Variants in MYO3B observed in about 807,000 individuals in gnomAD.
MYO3B encodes myosin IIIB, also known as myosin-IIIb.
In MYO3B, 156 loss-of-function variants were observed where a neutral mutation model predicts 174.6. That is an observed-to-expected ratio of 0.89 (90% CI 0.78 to 1.02). The LOEUF is 1.02. Among genes scored for constraint, MYO3B ranks in the 50% least tolerant of loss-of-function variants. The pLI, the probability that MYO3B is intolerant of heterozygous loss-of-function variation, is 0.00. For synonymous variants in MYO3B, 563 were observed against 569.1 expected (o/e 0.99, Z 0.15); for missense variants, 1,632 against 1,639.4 (o/e 1.00, Z 0.08).
At chr2:170,202,911 A>T (rs761427678) in intron 3 of MYO3B, among the ~76,000 whole-genome samples, 6 of 152,220 alleles carry the variant, frequency 3.9e-5, no homozygotes, top group Non-Finnish European at 8.8e-5. Context: ...GCAATTCTAG[A>T]GGATAGAAAA....
chr2:170,440,060 T>C, intron 22 of MYO3B, among the ~76,000 whole-genome samples: 1 of 152,214 alleles, frequency 6.6e-6, no homozygotes, highest in Non-Finnish European at 1.5e-5. Context: ...AGTTAAATTT[T>C]ATTCTTTTGT....
intron 6 of MYO3B, among the ~76,000 whole-genome samples, chr2:170,219,736 G>A (rs1162790994): frequency 3.3e-5 from 5 of 152,074 alleles, no homozygotes; most frequent in Non-Finnish European, 2.9e-5. Context: ...GTTTGAGGAC[G>A]GCTTCACAAC....
intron 1 of MYO3B, 82 bp downstream of exon 1, chr2:170,178,371 C>CT: frequency 1.9e-6 from 3 of 1,584,590 alleles, no homozygotes; most frequent in Non-Finnish European, 2.6e-6. Context: ...TGCAGCTGCC[C>CT]TGGCTGGTGG....
intron 15 of MYO3B, among the ~76,000 whole-genome samples, chr2:170,391,993 A>G (rs537199881): frequency 1.3e-5 from 2 of 149,748 alleles, no homozygotes; most frequent in South Asian, 2.1e-4. Context: ...TGTCTCTACA[A>G]TTTTTTTTTT....
At chr2:170,491,866 C>T (rs1686504532) in intron 25 of MYO3B, among the ~76,000 whole-genome samples, 1 of 152,050 alleles carries the variant, frequency 6.6e-6, no homozygotes, top group Non-Finnish European at 1.5e-5. Context: ...CCAGCCTGGT[C>T]AATGTGGCAA....
intron 32 of MYO3B, among the ~76,000 whole-genome samples, chr2:170,617,835 G>A (rs1695565910): frequency 6.6e-6 from 1 of 152,200 alleles, no homozygotes; most frequent in Non-Finnish European, 1.5e-5. Flanking sequence ...ATGGTGTAGT[G>A]AGAAGAATTA....
At chr2:170,522,010 C>G (rs1427268864) in intron 30 of MYO3B, among the ~76,000 whole-genome samples, 1 of 152,134 alleles carries the variant, frequency 6.6e-6, no homozygotes, top group African/African-American at 2.4e-5. Flanking sequence ...TGTAGTATTG[C>G]CTTCTTCAGG....
intron 22 of MYO3B, among the ~76,000 whole-genome samples, chr2:170,434,587 A>G (rs893273627): frequency 2.0e-5 from 3 of 152,184 alleles, no homozygotes; most frequent in South Asian, 2.1e-4. Flanking sequence ...GAGTCAGGGC[A>G]GAGAAGGTAG....
At chr2:170,203,512 A>C (rs934650402) in intron 3 of MYO3B, among the ~76,000 whole-genome samples, 2 of 9,666 alleles carry the variant, frequency 2.1e-4, no homozygotes, top group African/African-American at 2.8e-4. Context: ...GGGGGGAGGG[A>C]GGGAGGGAGA....
chr2:170,631,358 T>A (rs1056295840), intron 32 of MYO3B, among the ~76,000 whole-genome samples: 37 of 151,318 alleles, frequency 2.4e-4, no homozygotes, highest in African/African-American at 8.7e-4. Context: ...GAAAAAAGAA[T>A]AAAAAGAAAT....
At chr2:170,270,568 A>G (rs1293638589) in intron 7 of MYO3B, among the ~76,000 whole-genome samples, 7 of 152,140 alleles carry the variant, frequency 4.6e-5, no homozygotes, top group African/African-American at 1.7e-4. Flanking sequence ...CTTTGACTTC[A>G]TGTTGTTTAA....
intron 32 of MYO3B, among the ~76,000 whole-genome samples, chr2:170,646,676 G>A (rs768968766): frequency 1.2e-4 from 19 of 152,290 alleles, no homozygotes; most frequent in Admixed American, 3.9e-4. Context: ...GATTACAGGC[G>A]TGAGCCACCG....
At position 170,239,350 on chromosome 2, in the gene MYO3B, G is replaced by A. The variant is rs116713166; in HGVS notation, c.749+3214G>A. ...AATTATGTTGGTCTCTTGACAAGCA[G>A]GTATCTTTCCTTAGCTTTGAGTCTT... On this transcript the variant is annotated intron_variant, in intron 7 of 34. Transcript: ENST00000408978. Among the ~76,000 whole-genome samples, 560 of 152,308 alleles carry A rather than the reference G, an allele frequency of 3.7e-3. 3 individuals are homozygous for A. The highest frequency in any genetic ancestry group is 6.8e-3 in the Middle Eastern group (2 of 294).
chr2:170,528,485 A>G (rs1398620178), intron 30 of MYO3B, among the ~76,000 whole-genome samples: 4 of 152,172 alleles, frequency 2.6e-5, no homozygotes, highest in Non-Finnish European at 4.4e-5. Context: ...AGCTCACTGC[A>G]ACCTCTGCCT....
At chr2:170,553,366 G>A (rs901881499) in intron 32 of MYO3B, among the ~76,000 whole-genome samples, 1 of 152,242 alleles carries the variant, frequency 6.6e-6, no homozygotes, top group African/African-American at 2.4e-5. Flanking sequence ...TTGCATCAGT[G>A]TGGCCTGGAT....
intron 32 of MYO3B, among the ~76,000 whole-genome samples, chr2:170,591,625 G>T (rs1287908877): frequency 6.6e-6 from 1 of 151,972 alleles, no homozygotes; most frequent in Non-Finnish European, 1.5e-5. Context: ...CAGATTTTCA[G>T]CCCTGCAATC....
At position 170,547,642 on chromosome 2, in the gene MYO3B, T is replaced by C. The variant is rs72625217; in HGVS notation, c.3733+3654T>C. ...ACTTTTATAAAAGGCCAGTTTTTGG[T>C]TGGTTGTTTTCCATTTCACCACAGT... On this transcript the variant is annotated intron_variant, in intron 32 of 34. Transcript: ENST00000408978. Among the ~76,000 whole-genome samples, 4,350 of 152,192 alleles carry C rather than the reference T, an allele frequency of 0.029. 554 individuals carry two copies. In the East Asian group the frequency reaches 0.44, roughly 15 times the overall value.
chr2:170,553,301 G>A (rs924148712), intron 32 of MYO3B, among the ~76,000 whole-genome samples: 1 of 152,214 alleles, frequency 6.6e-6, no homozygotes, highest in Admixed American at 6.5e-5. Context: ...TGTGAAAGCA[G>A]CCAAACTTGC....
chr2:170,332,943 G>T (rs2093922256), intron 7 of MYO3B, among the ~76,000 whole-genome samples: 1 of 152,200 alleles, frequency 6.6e-6, no homozygotes, highest in South Asian at 2.1e-4. Context: ...CCCTTTCCCT[G>T]CTGGGCTGGC....
Sources: gnomAD v4.1 joint callset for allele counts (sites outside exome capture counted in the v4.1 genomes callset) on GRCh38, gnomAD v4.1.1 for gene constraint, MANE v1.5 for transcripts, NCBI Gene and HGNC (gene_info 2026-07-23, HGNC 2026-07-21) for gene names.